PTPRR: variants seen among roughly 807,000 people sequenced by gnomAD.
PTPRR encodes the protein receptor-type tyrosine-protein phosphatase R.
A neutral mutation model predicts 77.2 loss-of-function variants in PTPRR; 38 were observed. The observed-to-expected ratio is 0.49, with a 90% CI of 0.38 to 0.65. PTPRR has a LOEUF of 0.65. Among genes scored for constraint, PTPRR ranks in the 30% least tolerant of loss-of-function variants. The pLI is 0.00. For missense variants in PTPRR, 744 were observed against 799.2 expected, an observed-to-expected ratio of 0.93 and a Z score of 0.83; for synonymous variants, 299 against 283.1, an observed-to-expected ratio of 1.06 and a Z score of -0.57.
chr12:70,719,354 C>T (rs1889154614), intron 6 of PTPRR, among the ~76,000 whole-genome samples: 1 of 152,076 alleles, frequency 6.6e-6, no homozygotes, highest in Non-Finnish European at 1.5e-5. Context: ...CGAATGCAAA[C>T]TTCACGAGGC....
intron 10 of PTPRR, among the ~76,000 whole-genome samples, chr12:70,676,028 C>G (rs1186098883): frequency 6.6e-6 from 1 of 151,718 alleles, no homozygotes; most frequent in East Asian, 1.9e-4. Flanking sequence ...GATTTTTGAA[C>G]TCAAGTCTTC....
chr12:70,803,012 C>T (rs967152162), intron 2 of PTPRR, among the ~76,000 whole-genome samples: 12 of 151,866 alleles, frequency 7.9e-5, no homozygotes, highest in African/African-American at 2.9e-4. Flanking sequence ...TATTACATGC[C>T]CACATAGAAT....
At chr12:70,708,212 G>A (rs1386442995) in intron 6 of PTPRR, among the ~76,000 whole-genome samples, 2 of 152,096 alleles carry the variant, frequency 1.3e-5, no homozygotes, top group Non-Finnish European at 2.9e-5. Context: ...TTCTCCTGTT[G>A]TACCCAGTCA....
chr12:70,746,033 C>T lies in PTPRR; in HGVS notation c.792G>A (p.Glu264=), dbSNP rs766237127. ...RFQLSLRQDK[E]KNQEIHLSPI... is the part of the protein sequence containing the mutation. ...GCGATAGGTGGATCTCCTGGTTTTT[C>T]TCTTTGTCTTGTCTTAAGGAAAGCT... is the stretch of plus-strand genomic sequence containing the variant. Residue 264 remains glutamate (E), a synonymous_variant, in exon 6 of 14, where the codon GAG becomes GAA. Coordinates refer to ENST00000283228, the MANE Select transcript of PTPRR (RefSeq NM_002849.4). 1.1e-5 allele frequency: 17 copies of T among 1,613,506 alleles called. No homozygotes were observed. The highest frequency in any genetic ancestry group is 2.2e-5 in the South Asian group (2 of 91,064).
chr12:70,810,979 T>A (rs1361830671), intron 2 of PTPRR, among the ~76,000 whole-genome samples: 1 of 152,178 alleles, frequency 6.6e-6, no homozygotes, highest in Non-Finnish European at 1.5e-5. Flanking sequence ...TGTTAGTGAA[T>A]GTGCAGTGAA....
In PTPRR at chr12:70,920,500, C is replaced by T; in HGVS notation, c.-110G>A. On this transcript the variant is annotated 5_prime_UTR_variant, in exon 1 of 14. Transcript: ENST00000283228. ...GTCTTCTAGTCTCCGGGATTCAGGT[C>T]CTCGGCTGGGGTTTGCAGAGCAGTC... 5 of 1,081,246 alleles carry T rather than the reference C, an allele frequency of 4.6e-6. No homozygotes were observed. Among genetic ancestry groups the T allele is most frequent in the Non-Finnish European group, 6.8e-6 (5 of 735,378 alleles). 67.0% of individuals were successfully genotyped at this position (1,081,246 alleles called of 1,614,324 possible). A position where few individuals can be genotyped will look rare whatever the true frequency, so the allele number is the denominator to read the frequency against.
chr12:70,754,238 C>T lies in PTPRR; in HGVS notation c.691G>A (p.Val231Ile). The T allele has an allele frequency of 6.2e-7, 1 of 1,613,654 alleles. No individual in the cohort carries two copies. Among genetic ancestry groups the T allele is most frequent in the Non-Finnish European group, 8.5e-7 (1 of 1,179,768 alleles). Residue 231 changes from valine to isoleucine, a missense_variant, in exon 5 of 14, where the codon GTT becomes ATT. Val to Ile is a conservative substitution (Grantham distance 29). Around this residue, in one of 3 missense-constraint regions of PTPRR, gnomAD observed 570 missense variants for 573.2 expected, o/e 0.99. Transcript: ENST00000283228. ...ACAAAGATGCTGAGAAAAATGACAA[C>T]AGCATAAAATCCTTCTTTGCTCCAG... ...KIWSKEGFYA[V>I]VIFLSIFVII...
chr12:70,764,215 C>T (rs985367081), intron 3 of PTPRR, among the ~76,000 whole-genome samples: 2 of 151,978 alleles, frequency 1.3e-5, no homozygotes, highest in African/African-American at 4.8e-5. Context: ...TGTCTGGAAA[C>T]TGCCTCACCT....
chr12:70,801,555 C>T (rs1208720242), intron 2 of PTPRR, among the ~76,000 whole-genome samples: 1 of 152,194 alleles, frequency 6.6e-6, no homozygotes, highest in Non-Finnish European at 1.5e-5. Context: ...CGAACTTACA[C>T]CATTGCCTTT....
At chr12:70,731,172 A>G (rs906669053) in intron 6 of PTPRR, among the ~76,000 whole-genome samples, 1 of 152,108 alleles carries the variant, frequency 6.6e-6, no homozygotes, top group Non-Finnish European at 1.5e-5. Context: ...TATACTTTAA[A>G]GTGAAATAAA....
intron 2 of PTPRR, among the ~76,000 whole-genome samples, chr12:70,765,306 C>A (rs1289359870): frequency 6.6e-6 from 1 of 152,204 alleles, no homozygotes; most frequent in Non-Finnish European, 1.5e-5. Flanking sequence ...CACTCCCACC[C>A]CAATACTGCG....
At chr12:70,895,314 C>A (rs1893408616) in intron 1 of PTPRR, among the ~76,000 whole-genome samples, 1 of 151,528 alleles carries the variant, frequency 6.6e-6, no homozygotes, top group Non-Finnish European at 1.5e-5. Context: ...TATCTTCAAT[C>A]TTTCTTTTTA....
intron 2 of PTPRR, among the ~76,000 whole-genome samples, chr12:70,876,136 TA>T (rs1893048403): frequency 6.6e-6 from 1 of 152,154 alleles, no homozygotes; most frequent in South Asian, 2.1e-4. Flanking sequence ...ACTCTTGGGC[TA>T]AAAAATCTTT....
chr12:70,869,564 G>A (rs768984167), intron 2 of PTPRR, among the ~76,000 whole-genome samples: 1 of 152,138 alleles, frequency 6.6e-6, no homozygotes, highest in Non-Finnish European at 1.5e-5. Flanking sequence ...GTGGTAAAAG[G>A]GACTTTGTCG....
At chr12:70,900,989 A>G (rs1565735822) in intron 1 of PTPRR, among the ~76,000 whole-genome samples, 1 of 151,454 alleles carries the variant, frequency 6.6e-6, no homozygotes, top group Non-Finnish European at 1.5e-5. Flanking sequence ...TGAATTTTGG[A>G]TTTTTTTGGA....
intron 2 of PTPRR, among the ~76,000 whole-genome samples, chr12:70,770,696 A>G (rs964861146): frequency 3.3e-5 from 5 of 152,220 alleles, no homozygotes; most frequent in Admixed American, 1.3e-4. Context: ...CTATAAAGAC[A>G]CATGCACACA....
chr12:70,856,558 G>C (rs768528791), intron 2 of PTPRR, among the ~76,000 whole-genome samples: 1 of 152,170 alleles, frequency 6.6e-6, no homozygotes, highest in African/African-American at 2.4e-5. Context: ...CTATTTGATA[G>C]TGAACCATTA....
At chr12:70,773,600 T>C (rs1891027506) in intron 2 of PTPRR, among the ~76,000 whole-genome samples, 2 of 151,990 alleles carry the variant, frequency 1.3e-5, no homozygotes, top group Admixed American at 1.3e-4. Context: ...GGTAAAGTCT[T>C]GGTGAGGCAA....
intron 8 of PTPRR, among the ~76,000 whole-genome samples, chr12:70,688,824 G>A (rs754710385): frequency 6.6e-6 from 1 of 152,090 alleles, no homozygotes; most frequent in Non-Finnish European, 1.5e-5. Context: ...TTAAAAGTAT[G>A]GTCTATATAC....
Sources: gnomAD v4.1 joint callset for allele counts (sites outside exome capture counted in the v4.1 genomes callset) on GRCh38, gnomAD v4.1.1 for gene constraint, gnomAD v4.1.1 regional missense constraint, MANE v1.5 for transcripts, NCBI Gene and HGNC (gene_info 2026-07-23, HGNC 2026-07-21) for gene names.